SPATA9: variants seen among roughly 807,000 people sequenced by gnomAD.
SPATA9 encodes spermatogenesis associated 9, also known as spermatogenesis-associated protein 9.
In SPATA9, 27 loss-of-function variants were observed where a neutral mutation model predicts 25.5. The ratio of observed to expected loss-of-function variants is 1.06; its 90% CI spans 0.78 to 1.46. The LOEUF (loss-of-function observed/expected upper bound fraction) is 1.46, where lower values mean the gene tolerates loss of function less well. Among genes scored for constraint, SPATA9 ranks in the 40% most tolerant of loss-of-function variants. SPATA9 has a pLI of 0.00. For synonymous variants in SPATA9, 102 were observed against 105.7 expected (o/e 0.97, Z 0.21); for missense variants, 282 against 297.5 (o/e 0.95, Z 0.38).
At chr5:95,654,829 A>G (rs919886759), downstream of SPATA9, among the ~76,000 whole-genome samples, 3 of 152,050 alleles carry the variant, frequency 2.0e-5, no homozygotes, top group African/African-American at 7.2e-5. Context: ...TTTTTTCATC[A>G]AAAAGAATAT....
intron 3 of SPATA9, among the ~76,000 whole-genome samples, chr5:95,666,924 A>C (rs1751865685): frequency 6.6e-6 from 1 of 152,214 alleles, no homozygotes; most frequent in Admixed American, 6.5e-5. Flanking sequence ...AAATGCACCA[A>C]AAGTTTAATT....
chr5:95,676,306 A>G (rs1380643710), intron 2 of SPATA9, among the ~76,000 whole-genome samples: 1 of 152,180 alleles, frequency 6.6e-6, no homozygotes, highest in African/African-American at 2.4e-5. Context: ...ATTTGATTAC[A>G]TGAATACGTC....
chr5:95,659,906 C>G (rs189195060), intron 4 of SPATA9, among the ~76,000 whole-genome samples: 7 of 152,216 alleles, frequency 4.6e-5, no homozygotes. Flanking sequence ...AAAGTTTTTC[C>G]TCCTATATAG....
chr5:95,731,141 C>G, the SPATA9 span: 9 of 1,014,780 alleles, frequency 8.9e-6, no homozygotes, highest in Non-Finnish European at 1.1e-5. Flanking sequence ...TATTCCGCGG[C>G]GCCCCGCGCG....
At chr5:95,675,745 T>TCATGCATATATTCAACATC in intron 2 of SPATA9, 106 bp from the exon 3 acceptor site, 1 of 823,532 alleles carries the variant, frequency 1.2e-6, no homozygotes, top group Non-Finnish European at 1.9e-6. Flanking sequence ...GTGCATGGTG[T>TCATGCATATATTCAACATC]CATGCATATA....
chr5:95,692,428 T>C (rs1056266710), intron 1 of SPATA9, among the ~76,000 whole-genome samples: 9 of 152,090 alleles, frequency 5.9e-5, no homozygotes, highest in African/African-American at 2.2e-4. Flanking sequence ...TATGTCTTAC[T>C]AAGAAATACT....
chr5:95,689,352 T>C (rs999911844), intron 1 of SPATA9, among the ~76,000 whole-genome samples: 4 of 152,192 alleles, frequency 2.6e-5, no homozygotes, highest in African/African-American at 9.6e-5. Flanking sequence ...TATTGATAAA[T>C]ACATGAGTAA....
chr5:95,699,960 G>T (rs548383539), upstream of SPATA9, among the ~76,000 whole-genome samples: 3 of 152,236 alleles, frequency 2.0e-5, no homozygotes, highest in African/African-American at 7.2e-5. Context: ...GTTTGAATGG[G>T]ACATCTGGGC....
chr5:95,664,639 C>T (rs1001682137), intron 3 of SPATA9, among the ~76,000 whole-genome samples: 2 of 152,096 alleles, frequency 1.3e-5, no homozygotes, highest in Non-Finnish European at 2.9e-5. Flanking sequence ...GTAGGTGTAC[C>T]GGCCTGAAAC....
chr5:95,707,811 G>A, the SPATA9 span, among the ~76,000 whole-genome samples: 1 of 152,000 alleles, frequency 6.6e-6, no homozygotes, highest in Non-Finnish European at 1.5e-5. Flanking sequence ...CAATTCAGGT[G>A]GAAAGAAGGC....
At chr5:95,729,562 G>A in the SPATA9 span, among the ~76,000 whole-genome samples, 4 of 152,048 alleles carry the variant, frequency 2.6e-5, no homozygotes, top group African/African-American at 9.7e-5. Flanking sequence ...ATGTTCTAGC[G>A]TTCAGTTCTA....
intron 4 of SPATA9, among the ~76,000 whole-genome samples, chr5:95,662,491 ATCC>A (rs1751356184): frequency 6.6e-6 from 1 of 152,300 alleles, no homozygotes; most frequent in Non-Finnish European, 1.5e-5. Flanking sequence ...GGCTCAAGGT[ATCC>A]TCCTGCTTCA....
At chr5:95,695,412 A>G (rs1423990655) in intron 1 of SPATA9, among the ~76,000 whole-genome samples, 1 of 149,876 alleles carries the variant, frequency 6.7e-6, no homozygotes, top group Non-Finnish European at 1.5e-5. Flanking sequence ...AGCCTGGCCA[A>G]CATGGTGAAC....
chr5:95,657,930 T>C (rs1750863704), downstream of SPATA9: 1 of 123,534 alleles, frequency 8.1e-6, no homozygotes, highest in Non-Finnish European at 1.7e-5. Flanking sequence ...AGTACTTTCT[T>C]CAGGCAAAAA....
chr5:95,656,259 T>A (rs764234367), downstream of SPATA9: 2 of 1,613,298 alleles, frequency 1.2e-6, no homozygotes, highest in Admixed American at 3.3e-5. Flanking sequence ...TAAGTGTGAC[T>A]CTGATTTTTA....
chr5:95,671,976 T>C (rs1391574388), intron 3 of SPATA9, among the ~76,000 whole-genome samples: 1 of 150,384 alleles, frequency 6.6e-6, no homozygotes, highest in Non-Finnish European at 1.5e-5. Context: ...TAATACAAAA[T>C]TGAGCTTACA....
intron 3 of SPATA9, among the ~76,000 whole-genome samples, chr5:95,664,945 G>A (rs897710843): frequency 1.3e-5 from 2 of 152,106 alleles, no homozygotes; most frequent in African/African-American, 4.8e-5. Context: ...AACAATGATC[G>A]TTGATTAAAG....
At chr5:95,684,313 G>A (rs888459952), upstream of SPATA9, among the ~76,000 whole-genome samples, 4 of 152,136 alleles carry the variant, frequency 2.6e-5, no homozygotes, top group Non-Finnish European at 4.4e-5. Flanking sequence ...CACTGCAGAT[G>A]AACACCTGGC....
downstream of SPATA9, chr5:95,652,303 C>A (rs762366191): frequency 7.7e-6 from 12 of 1,550,552 alleles, no homozygotes; most frequent in South Asian, 1.4e-4. Flanking sequence ...TGTCTTAGAC[C>A]TTCTTCCTTA....
Sources: allele counts gnomAD v4.1 joint callset (sites outside exome capture counted in the v4.1 genomes callset), GRCh38; gene constraint gnomAD v4.1.1; transcripts MANE v1.5; gene names NCBI Gene and HGNC (gene_info 2026-07-23, HGNC 2026-07-21).